SIDT1: variants seen among roughly 807,000 people sequenced by gnomAD.
SIDT1 encodes the protein SID1 transmembrane family, member 1.
A neutral mutation model predicts 107.5 loss-of-function variants in SIDT1; 101 were observed. The ratio of observed to expected loss-of-function variants is 0.94; its 90% CI spans 0.80 to 1.11. The LOEUF (loss-of-function observed/expected upper bound fraction) is 1.11, where lower values mean the gene tolerates loss of function less well. SIDT1 is among the 50% of genes least tolerant of loss of function. The pLI is 0.00. For missense variants in SIDT1, 1,076 were observed against 1,058.2 expected (o/e 1.02, Z -0.23); for synonymous variants, 395 against 398.2 (o/e 0.99, Z 0.10).
chr3:113,580,022 G>T (rs1943208232), intron 4 of SIDT1, among the ~76,000 whole-genome samples: 1 of 152,186 alleles, frequency 6.6e-6, no homozygotes, highest in Non-Finnish European at 1.5e-5. Context: ...AATTGTGAAT[G>T]TATTTCTGGG....
intron 1 of SIDT1, among the ~76,000 whole-genome samples, chr3:113,552,125 T>C (rs1464813943): frequency 6.6e-6 from 1 of 152,162 alleles, no homozygotes; most frequent in African/African-American, 2.4e-5. Context: ...GAGCATATGT[T>C]ATGGGCCAAA....
intron 8 of SIDT1, 75 bp downstream of exon 8, chr3:113,584,844 C>G (rs1943624146): frequency 8.7e-6 from 9 of 1,028,694 alleles, no homozygotes; most frequent in Non-Finnish European, 1.3e-5. Context: ...ATATTACTGT[C>G]ATCCTTCCAG....
chr3:113,560,364 T>C (rs544727163), intron 1 of SIDT1, among the ~76,000 whole-genome samples: 14 of 152,302 alleles, frequency 9.2e-5, no homozygotes, highest in African/African-American at 3.4e-4. Context: ...TTATTGGTGC[T>C]TTTTCCATTT....
At chr3:113,605,276 C>A (rs552833736) in intron 14 of SIDT1, among the ~76,000 whole-genome samples, 1 of 152,184 alleles carries the variant, frequency 6.6e-6, no homozygotes, top group South Asian at 2.1e-4. Flanking sequence ...GCATGTGCCA[C>A]CATGCCCAGC....
At chr3:113,612,584 C>T (rs1490391908) in intron 19 of SIDT1, among the ~76,000 whole-genome samples, 1 of 152,168 alleles carries the variant, frequency 6.6e-6, no homozygotes, top group East Asian at 1.9e-4. Context: ...TTTCTCTAAC[C>T]ATGCTAAATG....
chr3:113,613,451 T>G (rs572738659), intron 19 of SIDT1, among the ~76,000 whole-genome samples: 1 of 152,322 alleles, frequency 6.6e-6, no homozygotes, highest in South Asian at 2.1e-4. Context: ...TAAGAGCAAT[T>G]CTACATAAAC....
chr3:113,603,162 G>A lies in SIDT1; in HGVS notation c.1263+12G>A. On this transcript the variant is annotated intron_variant, in intron 12 of 24. Transcript: ENST00000264852. ...TCATCCGGACCAAGGTACCCACTCT[G>A]CCTCGCCGTACTCTTTGAGAGGGCA... The A allele has an allele frequency of 6.2e-7, 1 of 1,611,880 alleles. No individual in the cohort carries two copies. Among genetic ancestry groups the A allele is most frequent in the Non-Finnish European group, 8.5e-7 (1 of 1,178,728 alleles).
intron 1 of SIDT1, among the ~76,000 whole-genome samples, chr3:113,552,182 G>A (rs1423675627): frequency 4.6e-5 from 7 of 152,050 alleles, no homozygotes; most frequent in Non-Finnish European, 7.4e-5. Context: ...CTTTTCTCCT[G>A]CCTTCTAAAA....
Position 113,553,284 on chromosome 3 carries a change from T to C in SIDT1, c.223-13136T>C, listed in dbSNP as rs370069684. On this transcript the variant is annotated intron_variant, in intron 1 of 24. Transcript: ENST00000264852. ...TGCTCATTTAGAAAGCAGTTTCCTTTAGGTAATCCTGACAAACACGTATTT... is the reference window on the plus strand; with the variant it reads ...TGCTCATTTAGAAAGCAGTTTCCTTCAGGTAATCCTGACAAACACGTATTT... Among the ~76,000 whole-genome samples the C allele has an allele frequency of 1.2e-4, 19 of 152,324 alleles. No individual in the cohort carries two copies. The East Asian group carries it at 3.5e-3, about 28-fold the overall frequency.
chr3:113,586,753 G>A (rs1473035032), intron 9 of SIDT1, among the ~76,000 whole-genome samples: 2 of 152,132 alleles, frequency 1.3e-5, no homozygotes, highest in African/African-American at 4.8e-5. Context: ...ACTCTGAGAA[G>A]GACACAATGT....
At chr3:113,581,804 C>T in intron 6 of SIDT1, 1 of 216,856 alleles carries the variant, frequency 4.6e-6, no homozygotes, top group Non-Finnish European at 9.3e-6. Context: ...ACCCAAGAGG[C>T]AGAGGTTGAA....
rs1444445318 is a variant in SIDT1, at chr3:113,623,408, A to G, written c.2091-19A>G. 2 of 1,569,482 alleles carry G rather than the reference A, an allele frequency of 1.3e-6. No individual in the cohort carries two copies. The highest frequency in any genetic ancestry group is 2.7e-5 in the African/African-American group (2 of 73,804). On this transcript the variant is annotated intron_variant, in intron 21 of 24. Coordinates refer to ENST00000264852, the MANE Select transcript of SIDT1 (RefSeq NM_017699.3). ...CAAATCCACCTTCACGGCTGCCCAC[A>G]TTTCTCCCACGCCTGCAGCGCCCTC...
At chr3:113,562,950 C>T (rs1196088688) in intron 1 of SIDT1, among the ~76,000 whole-genome samples, 7 of 151,906 alleles carry the variant, frequency 4.6e-5, no homozygotes, top group Admixed American at 1.3e-4. Flanking sequence ...GTAGAGATAC[C>T]ATATAGAGGT....
chr3:113,597,943 T>G (rs1156948177), intron 10 of SIDT1, among the ~76,000 whole-genome samples: 1 of 152,218 alleles, frequency 6.6e-6, no homozygotes, highest in Non-Finnish European at 1.5e-5. Flanking sequence ...TACTTGACGT[T>G]TAGAAGGAAA....
chr3:113,593,992 T>A (rs1217144358), intron 10 of SIDT1, among the ~76,000 whole-genome samples: 1 of 152,210 alleles, frequency 6.6e-6, no homozygotes, highest in East Asian at 1.9e-4. Flanking sequence ...TCAGTGCTCA[T>A]AGGTTATTTG....
intron 1 of SIDT1, among the ~76,000 whole-genome samples, chr3:113,554,479 C>A (rs752908355): frequency 6.6e-6 from 1 of 152,220 alleles, no homozygotes; most frequent in African/African-American, 2.4e-5. Flanking sequence ...ATAGTGAATA[C>A]GTCTCACAAG....
chr3:113,609,273 C>T (rs551944085), intron 17 of SIDT1, among the ~76,000 whole-genome samples: 55 of 151,968 alleles, frequency 3.6e-4, no homozygotes, highest in African/African-American at 1.3e-3. Context: ...ACCATGTTGG[C>T]CGGGCTGGTC....
Position 113,584,534 on chromosome 3 carries a change from T to C in SIDT1, c.836-164T>C, listed in dbSNP as rs796790346. ...TTAACCAAAAGGGATTTCTGATGGT[T>C]TGAAGGTTTGGGGGTTACATATTCC... On this transcript the variant is annotated intron_variant, in intron 7 of 24. Transcript: ENST00000264852. 20 of 569,792 alleles carry C rather than the reference T, an allele frequency of 3.5e-5. No individual in the cohort carries two copies. In the African/African-American group the frequency reaches 4.0e-4, roughly 11 times the overall value. The allele number at this position is 569,792 out of a possible 1,614,324, so 35.3% of individuals were successfully genotyped here.
chr3:113,562,731 A>T (rs1941544751), intron 1 of SIDT1, among the ~76,000 whole-genome samples: 1 of 152,214 alleles, frequency 6.6e-6, no homozygotes, highest in Admixed American at 6.5e-5. Context: ...ACTGCCAATG[A>T]GTACAGGTTT....
Sources: gnomAD v4.1 joint callset for allele counts (sites outside exome capture counted in the v4.1 genomes callset) on GRCh38, gnomAD v4.1.1 for gene constraint, MANE v1.5 for transcripts, NCBI Gene and HGNC (gene_info 2026-07-23, HGNC 2026-07-21) for gene names.